ALCAM: variants seen among roughly 807,000 people sequenced by gnomAD.
ALCAM encodes the protein activated leukocyte cell adhesion molecule.
Under a neutral mutation model 70.9 loss-of-function variants are expected in ALCAM, and 30 were observed. The ratio of observed to expected loss-of-function variants is 0.42; its 90% CI spans 0.32 to 0.57. The LOEUF (loss-of-function observed/expected upper bound fraction) is 0.57. Ranked by LOEUF, ALCAM falls within the 20% of genes least tolerant of loss-of-function variation. The pLI is 0.11. For synonymous variants in ALCAM, 249 were observed against 242.5 expected, an observed-to-expected ratio of 1.03 and a Z score of -0.25; for missense variants, 591 against 695.1, an observed-to-expected ratio of 0.85 and a Z score of 1.68.
intron 1 of ALCAM, among the ~76,000 whole-genome samples, chr3:105,494,567 GACA>G (rs1421262726): frequency 5.3e-5 from 8 of 151,790 alleles, no homozygotes; most frequent in African/African-American, 2.4e-5. Flanking sequence ...GATTTTGTCA[GACA>G]ACAATTCTTT....
At chr3:105,474,054 A>G (rs554076248) in intron 1 of ALCAM, among the ~76,000 whole-genome samples, 2 of 151,670 alleles carry the variant, frequency 1.3e-5, no homozygotes, top group Non-Finnish European at 3.0e-5. Context: ...CTGTGGGTCT[A>G]TCACTACCAC....
chr3:105,426,354 A>G (rs1936790280), intron 1 of ALCAM, among the ~76,000 whole-genome samples: 1 of 151,962 alleles, frequency 6.6e-6, no homozygotes, highest in African/African-American at 2.4e-5. Context: ...ATTCTTTAAA[A>G]TGTACATATA....
At chr3:105,542,538 C>T (rs1437377052) in intron 8 of ALCAM, among the ~76,000 whole-genome samples, 1 of 151,768 alleles carries the variant, frequency 6.6e-6, no homozygotes, top group Non-Finnish European at 1.5e-5. Context: ...GTCAGTCTTG[C>T]TTAGAGGTAT....
intron 1 of ALCAM, among the ~76,000 whole-genome samples, chr3:105,459,561 G>A (rs151268306): frequency 7.0e-4 from 106 of 152,082 alleles, no homozygotes; most frequent in African/African-American, 2.4e-3. Flanking sequence ...CCTATTGTAT[G>A]TCATGTTTAT....
At chr3:105,505,906 T>A (rs1939061283) in intron 1 of ALCAM, among the ~76,000 whole-genome samples, 1 of 152,190 alleles carries the variant, frequency 6.6e-6, no homozygotes, top group Non-Finnish European at 1.5e-5. Context: ...AATATTCTCA[T>A]AGCTACAAAG....
chr3:105,482,642 G>C (rs971525426), intron 1 of ALCAM, among the ~76,000 whole-genome samples: 3 of 151,972 alleles, frequency 2.0e-5, no homozygotes, highest in African/African-American at 7.3e-5. Flanking sequence ...ACACAAGAAG[G>C]GTAAGATTGA....
chr3:105,533,435 G>T (rs1035212596), intron 4 of ALCAM, among the ~76,000 whole-genome samples, 168 bp from the exon 5 acceptor site: 1 of 152,088 alleles, frequency 6.6e-6, no homozygotes, highest in African/African-American at 2.4e-5. Flanking sequence ...GTCTTAAAAA[G>T]ACATTGTTTT....
chr3:105,554,404 CT>C (rs1490148200), intron 14 of ALCAM, among the ~76,000 whole-genome samples: 1 of 151,870 alleles, frequency 6.6e-6, no homozygotes, highest in African/African-American at 2.4e-5. Flanking sequence ...CATATCTTCA[CT>C]GATTAAATGA....
At chr3:105,411,674 T>A (rs1176565070) in intron 1 of ALCAM, among the ~76,000 whole-genome samples, 2 of 151,978 alleles carry the variant, frequency 1.3e-5, no homozygotes, top group Non-Finnish European at 2.9e-5. Flanking sequence ...AAAGGGAGAA[T>A]AGATATGCAG....
chr3:105,485,001 G>T (rs545123900), intron 1 of ALCAM, among the ~76,000 whole-genome samples: 6 of 152,124 alleles, frequency 3.9e-5, no homozygotes, highest in African/African-American at 1.4e-4. Context: ...AAAATATTCA[G>T]ATAGGTTCCA....
intron 6 of ALCAM, among the ~76,000 whole-genome samples, chr3:105,535,486 T>C (rs1939948008): frequency 6.6e-6 from 1 of 152,134 alleles, no homozygotes; most frequent in Non-Finnish European, 1.5e-5. Context: ...TCTGGAATTC[T>C]AGTCCCAGCA....
chr3:105,480,058 CA>C (rs1297005579), intron 1 of ALCAM, among the ~76,000 whole-genome samples: 11 of 151,988 alleles, frequency 7.2e-5, no homozygotes, highest in African/African-American at 2.2e-4. Flanking sequence ...TGATGCCCCC[CA>C]AAAAACACAC....
At chr3:105,552,023 G>C (rs1262068567) in intron 12 of ALCAM, 121 bp from the exon 13 acceptor site, 2 of 528,090 alleles carry the variant, frequency 3.8e-6, no homozygotes, top group Non-Finnish European at 6.3e-6. Context: ...TTTTTTTACT[G>C]TTAGCTATAG....
intron 1 of ALCAM, among the ~76,000 whole-genome samples, chr3:105,507,003 CT>C: frequency 6.6e-6 from 1 of 152,204 alleles, no homozygotes; most frequent in East Asian, 1.9e-4. Flanking sequence ...GTCCTTCCCT[CT>C]CCCTATACCA....
At chr3:105,396,487 A>G (rs999616530) in intron 1 of ALCAM, among the ~76,000 whole-genome samples, 2 of 152,054 alleles carry the variant, frequency 1.3e-5, no homozygotes, top group Non-Finnish European at 1.5e-5. Flanking sequence ...GAGAAACGGG[A>G]CAAGATTACT....
intron 1 of ALCAM, among the ~76,000 whole-genome samples, chr3:105,510,935 G>A (rs1468738250): frequency 6.6e-6 from 1 of 151,966 alleles, no homozygotes; most frequent in Admixed American, 6.6e-5. Flanking sequence ...ATCTTTGGGA[G>A]TACTGGAAAA....
At chr3:105,461,180 G>C (rs994306053) in intron 1 of ALCAM, among the ~76,000 whole-genome samples, 5 of 151,682 alleles carry the variant, frequency 3.3e-5, no homozygotes, top group African/African-American at 1.2e-4. Context: ...TGGACAAAAG[G>C]GTCAGTAGCT....
chr3:105,453,981 A>G (rs1937495848), intron 1 of ALCAM, among the ~76,000 whole-genome samples: 1 of 152,134 alleles, frequency 6.6e-6, no homozygotes, highest in Non-Finnish European at 1.5e-5. Flanking sequence ...CAAATTCTAT[A>G]TGTTTATTAT....
chr3:105,572,411 A>G (rs1402188144), intron 15 of ALCAM, among the ~76,000 whole-genome samples: 4 of 151,952 alleles, frequency 2.6e-5, no homozygotes, highest in Non-Finnish European at 1.5e-5. Flanking sequence ...AAGGACATGA[A>G]CTCGTCCTTT....
Sources: allele counts gnomAD v4.1 joint callset (sites outside exome capture counted in the v4.1 genomes callset), GRCh38; gene constraint gnomAD v4.1.1; transcripts MANE v1.5; gene names NCBI Gene and HGNC (gene_info 2026-07-23, HGNC 2026-07-21).